The following CEP128 variants were observed in gnomAD, a reference collection of about 807,000 sequenced individuals.
CEP128 encodes centrosomal protein 128.
Under a neutral mutation model 156.7 loss-of-function variants are expected in CEP128, and 132 were observed. The ratio of observed to expected loss-of-function variants is 0.84; its 90% CI spans 0.73 to 0.97. The LOEUF is 0.97. Ranked by LOEUF, CEP128 falls within the 50% of genes least tolerant of loss-of-function variation. The pLI, the probability that CEP128 is intolerant of heterozygous loss-of-function variation, is 0.00. For synonymous variants in CEP128, 469 were observed against 448.9 expected, an observed-to-expected ratio of 1.04 and a Z score of -0.57; for missense variants, 1,252 against 1,281.9, an observed-to-expected ratio of 0.98 and a Z score of 0.36.
At chr14:80,556,112 T>C (rs538895842) in intron 21 of CEP128, among the ~76,000 whole-genome samples, 2 of 152,260 alleles carry the variant, frequency 1.3e-5, no homozygotes, top group African/African-American at 2.4e-5. Flanking sequence ...CAAAGTTTTT[T>C]CCCATGTAAT....
chr14:80,739,562 C>T (rs1449945306), intron 19 of CEP128, among the ~76,000 whole-genome samples: 1 of 152,110 alleles, frequency 6.6e-6, no homozygotes, highest in Non-Finnish European at 1.5e-5. Flanking sequence ...GTAGTACATA[C>T]AGAATCATAC....
chr14:80,756,119 G>A (rs1438393027), intron 18 of CEP128, among the ~76,000 whole-genome samples: 5 of 152,216 alleles, frequency 3.3e-5, no homozygotes, highest in South Asian at 4.1e-4. Context: ...AATGAGAAAC[G>A]CAATATTAAT....
chr14:80,821,914 A>G (rs1885208151), intron 13 of CEP128, among the ~76,000 whole-genome samples: 1 of 152,200 alleles, frequency 6.6e-6, no homozygotes, highest in Non-Finnish European at 1.5e-5. Flanking sequence ...CCTCACAATC[A>G]TGGCGGAAGG....
chr14:80,791,543 T>C (rs1901705563), intron 14 of CEP128, among the ~76,000 whole-genome samples: 1 of 152,206 alleles, frequency 6.6e-6, no homozygotes, highest in African/African-American at 2.4e-5. Flanking sequence ...CTCCTCTCGC[T>C]AGCTACCTAC....
At chr14:80,689,290 CAAAAAAAAAAA>C (rs57054840) in intron 19 of CEP128, among the ~76,000 whole-genome samples, 3 of 96,646 alleles carry the variant, frequency 3.1e-5, no homozygotes, top group South Asian at 4.1e-4. Flanking sequence ...GACTCCGTCT[CAAAAAAAAAAA>C]AAAAAAAAAA....
chr14:80,550,805 TG>T (rs1890179350), intron 21 of CEP128, among the ~76,000 whole-genome samples: 1 of 123,098 alleles, frequency 8.1e-6, no homozygotes, highest in Non-Finnish European at 1.6e-5. Context: ...TTATTAAATG[TG>T]AAATGTAAAA....
At chr14:80,493,063 T>C (rs1327314693), downstream of CEP128, among the ~76,000 whole-genome samples, 1 of 152,154 alleles carries the variant, frequency 6.6e-6, no homozygotes, top group African/African-American at 2.4e-5. Context: ...TAAGGATAAA[T>C]TGTAACTTTA....
chr14:80,680,863 C>CAT (rs1896293169), intron 19 of CEP128, among the ~76,000 whole-genome samples: 1 of 152,138 alleles, frequency 6.6e-6, no homozygotes, highest in Non-Finnish European at 1.5e-5. Flanking sequence ...CAGGCCTACC[C>CAT]AGTGTGGCTC....
intron 9 of CEP128, among the ~76,000 whole-genome samples, chr14:80,845,448 C>T (rs753420020): frequency 3.9e-5 from 6 of 151,934 alleles, no homozygotes; most frequent in South Asian, 4.1e-4. Context: ...TGTTTTTATC[C>T]GAGTAGTTTC....
chr14:80,850,694 C>A (rs1486111350), intron 9 of CEP128, among the ~76,000 whole-genome samples: 1 of 152,182 alleles, frequency 6.6e-6, no homozygotes, highest in Non-Finnish European at 1.5e-5. Flanking sequence ...CACGCTCACA[C>A]AGCTATGTTA....
In CEP128 at chr14:80,764,221, G is replaced by C. The variant is rs548926672; in HGVS notation, c.2377-2608C>G. Among the ~76,000 whole-genome samples the C allele has an allele frequency of 2.0e-5, 3 of 152,212 alleles. No homozygotes were observed. The East Asian group carries it at 5.8e-4, about 29-fold the overall frequency. On this transcript the variant is annotated intron_variant, in intron 16 of 24. Transcript: ENST00000555265. Reference sequence around the variant, plus strand: ...ACATAGAAAATTTCATTATCCGGCCGGGCGCGGTGGCTCACGCCTGTAATC... The same window carrying C: ...ACATAGAAAATTTCATTATCCGGCCCGGCGCGGTGGCTCACGCCTGTAATC...
chr14:80,627,355 A>C (rs75321779), intron 19 of CEP128, among the ~76,000 whole-genome samples: 20 of 152,358 alleles, frequency 1.3e-4, no homozygotes, highest in African/African-American at 3.8e-4. Flanking sequence ...AAAATAAAGA[A>C]ATGTAAGAAC....
chr14:80,785,250 A>T lies in CEP128; in HGVS notation c.1856T>A (p.Leu619His), dbSNP rs1337462084. The T allele has an allele frequency of 6.2e-7, 1 of 1,613,950 alleles. No individual in the cohort carries two copies. Among genetic ancestry groups the T allele is most frequent in the African/African-American group, 1.3e-5 (1 of 74,878 alleles). Residue 619 changes from leucine (L) to histidine (H), a missense_variant, in exon 15 of 25, where the codon CTC (leucine) becomes CAC (histidine). Coordinates refer to ENST00000555265, the MANE Select transcript of CEP128 (RefSeq NM_152446.5). ...TTTGTCCTGGGCCTGGCTCTTCTTG[A>T]GCTCTGCAATTTCTTCCTCCAAGTG... The part of the protein sequence containing the change: ...KAHLEEEIAE[L>H]KKSQAQDKAK...
intron 21 of CEP128, among the ~76,000 whole-genome samples, chr14:80,554,781 C>A (rs571212206): frequency 1.2e-3 from 176 of 151,976 alleles, no homozygotes; most frequent in Non-Finnish European, 2.3e-3. Flanking sequence ...AGCCCTATTG[C>A]ATGTTTTTTT....
At chr14:80,507,984 G>A (rs1888059874) in intron 23 of CEP128, among the ~76,000 whole-genome samples, 1 of 152,236 alleles carries the variant, frequency 6.6e-6, no homozygotes, top group Middle Eastern at 3.4e-3. Flanking sequence ...GCACGATCTT[G>A]GCTCACTGCA....
At chr14:80,568,537 T>C (rs894001033) in intron 20 of CEP128, among the ~76,000 whole-genome samples, 8 of 152,072 alleles carry the variant, frequency 5.3e-5, no homozygotes, top group African/African-American at 1.9e-4. Flanking sequence ...TGTGTTCAGT[T>C]ACCCCTCAGC....
chr14:80,504,716 T>TA (rs1479712475), intron 24 of CEP128, among the ~76,000 whole-genome samples, 196 bp downstream of exon 24: 1 of 152,254 alleles, frequency 6.6e-6, no homozygotes. Flanking sequence ...GCGTAAAGTC[T>TA]AAAAAGGAGG....
intron 19 of CEP128, among the ~76,000 whole-genome samples, chr14:80,599,497 A>C (rs996428376): frequency 6.6e-6 from 1 of 151,626 alleles, no homozygotes; most frequent in African/African-American, 2.4e-5. Flanking sequence ...GGATGGTCTC[A>C]ATCTCCTGAC....
intron 5 of CEP128, chr14:80,905,721 C>T: frequency 3.0e-6 from 1 of 338,934 alleles, no homozygotes; most frequent in Non-Finnish European, 5.3e-6. Flanking sequence ...AAGTTTTTGT[C>T]AGGTAAAGCT....
Sources: allele counts gnomAD v4.1 joint callset (sites outside exome capture counted in the v4.1 genomes callset), GRCh38; gene constraint gnomAD v4.1.1; transcripts MANE v1.5; gene names NCBI Gene and HGNC (gene_info 2026-07-23, HGNC 2026-07-21).